Variants in ADGRV1 observed in about 807,000 individuals in gnomAD.
ADGRV1 encodes adhesion G protein-coupled receptor V1.
Under a neutral mutation model 596.2 loss-of-function variants are expected in ADGRV1, and 359 were observed. The ratio of observed to expected loss-of-function variants is 0.60; its 90% confidence interval spans 0.55 to 0.66. The LOEUF (loss-of-function observed/expected upper bound fraction) is 0.66, where lower values mean the gene tolerates loss of function less well. Among genes scored for constraint, ADGRV1 ranks in the 30% least tolerant of loss-of-function variants. The probability of loss-of-function intolerance (pLI) is 0.00; values close to 1 mark genes in which losing one functional copy is unlikely to be tolerated. For missense variants in ADGRV1, 7,274 were observed against 7,575.6 expected (o/e 0.96, Z 1.48); for synonymous variants, 2,681 against 2,679.2 (o/e 1.00, Z -0.02).
At chr5:91,121,932 T>C (rs1793350864) in intron 87 of ADGRV1, among the ~76,000 whole-genome samples, 1 of 152,150 alleles carries the variant, frequency 6.6e-6, no homozygotes, top group African/African-American at 2.4e-5. Flanking sequence ...AATGTTGTTC[T>C]TTTGCTTCTA....
At chr5:90,764,992 G>A (rs1756941489) in intron 59 of ADGRV1, among the ~76,000 whole-genome samples, 1 of 152,022 alleles carries the variant, frequency 6.6e-6, no homozygotes, top group Admixed American at 6.5e-5. Flanking sequence ...ATTGTCAGAG[G>A]AGTGAGGGGA....
At chr5:90,716,857 C>T (rs1750176295) in intron 43 of ADGRV1, 128 bp downstream of exon 43, 1 of 669,404 alleles carries the variant, frequency 1.5e-6, no homozygotes, top group Non-Finnish European at 2.4e-6. Context: ...TAGACAAAGA[C>T]ATGATTCATT....
chr5:90,946,901 T>C (rs1424716375), intron 83 of ADGRV1, among the ~76,000 whole-genome samples: 3 of 152,164 alleles, frequency 2.0e-5, no homozygotes, highest in Non-Finnish European at 4.4e-5. Context: ...TCTTCGCAAT[T>C]GTGAATAGTG....
intron 87 of ADGRV1, among the ~76,000 whole-genome samples, chr5:91,109,171 C>G (rs1250459974): frequency 6.6e-6 from 1 of 152,140 alleles, no homozygotes; most frequent in Non-Finnish European, 1.5e-5. Flanking sequence ...ACGATAAGGA[C>G]TTCTTCTCGC....
At chr5:90,861,848 G>T (rs1459087082) in intron 82 of ADGRV1, among the ~76,000 whole-genome samples, 2 of 151,954 alleles carry the variant, frequency 1.3e-5, no homozygotes, top group East Asian at 1.9e-4. Context: ...TAAATTTTAG[G>T]TATTCAATAT....
chr5:90,619,085 G>T lies in ADGRV1; in HGVS notation c.358-1G>T. On this transcript the variant is annotated splice_acceptor_variant, in intron 3 of 89. Transcript: ENST00000405460. LOFTEE classifies it high-confidence loss of function. Reference sequence around the variant, plus strand: ...ATTTTATTTTTGGGATTTTATTTTAGAAACCTTCAGCAAATGTGAAGCTTG... The same window carrying T: ...ATTTTATTTTTGGGATTTTATTTTATAAACCTTCAGCAAATGTGAAGCTTG... The T allele has an allele frequency of 7.2e-7, 1 of 1,379,976 alleles. No homozygotes were observed. 85.5% of individuals were successfully genotyped at this position (1,379,976 alleles called of 1,614,324 possible). A position where few individuals can be genotyped will look rare whatever the true frequency, so the allele number is the denominator to read the frequency against.
Position 91,151,159 on chromosome 5 carries a change from A to G in ADGRV1, c.18624+938A>G, listed in dbSNP as rs79515212. On this transcript the variant is annotated intron_variant, in intron 88 of 89. Transcript: ENST00000405460. ...AATAGATGGATGGAGAGATTGGTAG[A>G]TAGATAAATCAATAGACTGATAACT... Among the ~76,000 whole-genome samples the G allele has an allele frequency of 4.6e-3, 703 of 152,376 alleles. 47 individuals are homozygous for G. In the East Asian group the frequency reaches 0.12, roughly 25 times the overall value.
intron 80 of ADGRV1, among the ~76,000 whole-genome samples, 172 bp downstream of exon 80, chr5:90,853,705 G>A (rs1766755183): frequency 6.6e-6 from 1 of 152,178 alleles, no homozygotes; most frequent in African/African-American, 2.4e-5. Context: ...GTTTCTAAAT[G>A]AGTTGGAAAT....
intron 85 of ADGRV1, among the ~76,000 whole-genome samples, chr5:91,010,528 C>T (rs978022128): frequency 2.0e-5 from 3 of 151,772 alleles, no homozygotes; most frequent in Non-Finnish European, 4.4e-5. Context: ...TTTTAGTGGA[C>T]CAAAAATGAA....
intron 85 of ADGRV1, among the ~76,000 whole-genome samples, chr5:91,071,534 G>A (rs867217830): frequency 4.6e-5 from 7 of 151,788 alleles, no homozygotes; most frequent in African/African-American, 1.5e-4. Flanking sequence ...AAAGGAGAAG[G>A]GTTTAATTTT....
rs34061974 is a variant in ADGRV1 at position 90,635,592 on chromosome 5, C to CT, written c.2016+316dup. On this transcript the variant is annotated intron_variant, in intron 10 of 89. Transcript: ENST00000405460. ...TACTACAGTGGTAGCCAAACATAAA[C>CT]TTTTTTTTTTTTTTCTTTGAGAGAG... Among the ~76,000 whole-genome samples, 381 of 137,546 alleles carry CT rather than the reference C, an allele frequency of 2.8e-3. 4 individuals carry two copies. Among genetic ancestry groups the CT allele is most frequent in the African/African-American group, 6.9e-3 (258 of 37,242 alleles). The allele number at this position is 137,546 out of a possible 152,430, so 90.2% of individuals were successfully genotyped here.
chr5:90,845,365 T>A (rs991507215), intron 78 of ADGRV1, among the ~76,000 whole-genome samples: 1 of 152,184 alleles, frequency 6.6e-6, no homozygotes, highest in Non-Finnish European at 1.5e-5. Flanking sequence ...CTGAGTATTA[T>A]AGAAATGGCC....
chr5:90,560,364 A>G (rs1201439037), intron 1 of ADGRV1, among the ~76,000 whole-genome samples: 1 of 152,152 alleles, frequency 6.6e-6, no homozygotes, highest in Non-Finnish European at 1.5e-5. Flanking sequence ...GTCACTCCTT[A>G]ATGAATGCCT....
At chr5:90,740,342 G>C (rs1354469088) in intron 50 of ADGRV1, among the ~76,000 whole-genome samples, 2 of 152,170 alleles carry the variant, frequency 1.3e-5, no homozygotes, top group Non-Finnish European at 1.5e-5. Context: ...ATGTACCCCT[G>C]CCTTCTGGCC....
chr5:90,614,752 A>G (rs1763145065), intron 1 of ADGRV1, 83 bp from the exon 2 acceptor site: 5 of 1,008,942 alleles, frequency 5.0e-6, no homozygotes, highest in South Asian at 1.4e-5. Context: ...TCTTCATACT[A>G]TGTTTATATC....
intron 21 of ADGRV1, among the ~76,000 whole-genome samples, chr5:90,668,744 A>G (rs1771980960): frequency 6.6e-6 from 1 of 152,160 alleles, no homozygotes; most frequent in African/African-American, 2.4e-5. Flanking sequence ...AAGTGTTGAT[A>G]TATAGCGTGT....
intron 45 of ADGRV1, among the ~76,000 whole-genome samples, chr5:90,722,229 G>A (rs1263450967): frequency 6.6e-6 from 1 of 152,020 alleles, no homozygotes; most frequent in East Asian, 1.9e-4. Context: ...TGAGGGACAG[G>A]GAAGTACCAA....
At chr5:90,596,261 C>T (rs1760561262) in intron 1 of ADGRV1, among the ~76,000 whole-genome samples, 1 of 151,016 alleles carries the variant, frequency 6.6e-6, no homozygotes, top group South Asian at 2.1e-4. Flanking sequence ...TCCTCACTTC[C>T]CAGATAGGAT....
At chr5:91,059,896 CTAAT>C (rs1327902273) in intron 85 of ADGRV1, among the ~76,000 whole-genome samples, 1 of 152,032 alleles carries the variant, frequency 6.6e-6, no homozygotes, top group African/African-American at 2.4e-5. Flanking sequence ...TAAATAAATA[CTAAT>C]TAATAGTAAC....
Sources: allele counts gnomAD v4.1 joint callset (sites outside exome capture counted in the v4.1 genomes callset), GRCh38; gene constraint gnomAD v4.1.1; transcripts MANE v1.5; gene names NCBI Gene and HGNC (gene_info 2026-07-23, HGNC 2026-07-21).